ZNF536: variants seen among roughly 807,000 people sequenced by gnomAD.
ZNF536 encodes the protein zinc finger protein 536.
ZNF536 carries 13 observed loss-of-function variants against 84.5 expected under a neutral mutation model. The ratio of observed to expected loss-of-function variants is 0.15; its 90% CI spans 0.10 to 0.24. The LOEUF is 0.24. Ranked by LOEUF, ZNF536 falls within the 10% of genes least tolerant of loss-of-function variation. The pLI, the probability that ZNF536 is intolerant of heterozygous loss-of-function variation, is 1.00. For synonymous variants in ZNF536, 811 were observed against 742.5 expected (o/e 1.09, Z -1.50); for missense variants, 1,536 against 1,747.5 (o/e 0.88, Z 2.16).
chr19:30,483,603 T>C (rs1183280110), intron 2 of ZNF536, among the ~76,000 whole-genome samples: 1 of 151,934 alleles, frequency 6.6e-6, no homozygotes. Context: ...TTTGTCCCCT[T>C]GTCTGTCACA....
chr19:30,522,088 C>G (rs1446465820), intron 2 of ZNF536, among the ~76,000 whole-genome samples: 1 of 151,380 alleles, frequency 6.6e-6, no homozygotes, highest in Non-Finnish European at 1.5e-5. Context: ...TTCTGTTGGT[C>G]TGCAGGTACC....
intron 2 of ZNF536, among the ~76,000 whole-genome samples, chr19:30,491,679 T>G (rs1195566962): frequency 6.6e-6 from 1 of 152,168 alleles, no homozygotes; most frequent in African/African-American, 2.4e-5. Flanking sequence ...CAAAAAATTC[T>G]TTTGAAATAA....
At chr19:30,437,321 T>C (rs535321883) in intron 1 of ZNF536, among the ~76,000 whole-genome samples, 1 of 152,288 alleles carries the variant, frequency 6.6e-6, no homozygotes, top group Admixed American at 6.5e-5. Flanking sequence ...CTTTTGTCAT[T>C]GATATCACAG....
chr19:30,491,829 C>T (rs1432002758), intron 2 of ZNF536, among the ~76,000 whole-genome samples: 1 of 150,118 alleles, frequency 6.7e-6, no homozygotes, highest in East Asian at 2.0e-4. Flanking sequence ...CTTTTCCTTT[C>T]CTTTTCTTTT....
chr19:30,240,215 A>G (rs941024073), intron 1 of ZNF536, among the ~76,000 whole-genome samples: 4 of 151,242 alleles, frequency 2.6e-5, no homozygotes, highest in African/African-American at 9.7e-5. Context: ...CTAAAAATAC[A>G]AAAAAAAATT....
intron 1 of ZNF536, among the ~76,000 whole-genome samples, chr19:30,658,117 G>C (rs2049985266): frequency 6.6e-6 from 1 of 151,324 alleles, no homozygotes; most frequent in South Asian, 2.1e-4. Context: ...CTGCCTCCCA[G>C]GTTCAAGCGA....
intron 2 of ZNF536, among the ~76,000 whole-genome samples, chr19:30,530,677 T>C (rs2044770177): frequency 6.6e-6 from 1 of 152,170 alleles, no homozygotes; most frequent in Admixed American, 6.5e-5. Context: ...GCCTGCTTCC[T>C]GGAGTGGCTA....
At chr19:30,259,735 C>T (rs1331429777) in intron 1 of ZNF536, among the ~76,000 whole-genome samples, 1 of 152,096 alleles carries the variant, frequency 6.6e-6, no homozygotes, top group Non-Finnish European at 1.5e-5. Context: ...TGCGAAAAAA[C>T]AGATAGGTGG....
intron 1 of ZNF536, among the ~76,000 whole-genome samples, chr19:30,578,116 A>G (rs1415783187): frequency 1.3e-5 from 2 of 152,190 alleles, no homozygotes; most frequent in African/African-American, 4.8e-5. Context: ...TATCCTATTT[A>G]CTTGCAAATA....
intron 1 of ZNF536, among the ~76,000 whole-genome samples, chr19:30,388,912 G>A (rs976380107): frequency 6.6e-6 from 1 of 152,204 alleles, no homozygotes; most frequent in African/African-American, 2.4e-5. Context: ...TTTATGTAGG[G>A]TGAGCTGACC....
At chr19:30,700,213 C>CTTCCATCTTTCT (rs1568684616) in intron 1 of ZNF536, among the ~76,000 whole-genome samples, 1 of 102,586 alleles carries the variant, frequency 9.7e-6, no homozygotes, top group Admixed American at 1.0e-4. Context: ...TCTTTCTTTC[C>CTTCCATCTTTCT]TTCTTTCTTT....
intron 1 of ZNF536, among the ~76,000 whole-genome samples, chr19:30,605,166 C>T (rs1313836747): frequency 6.6e-6 from 1 of 152,002 alleles, no homozygotes; most frequent in Admixed American, 6.5e-5. Flanking sequence ...GTGCGAAATG[C>T]TTTTTTTGTT....
intron 2 of ZNF536, among the ~76,000 whole-genome samples, chr19:30,286,397 T>A (rs1305389164): frequency 6.6e-6 from 1 of 152,104 alleles, no homozygotes; most frequent in East Asian, 1.9e-4. Flanking sequence ...GGTTTTGCCC[T>A]TGGTACCATT....
chr19:30,510,944 G>A (rs1288052521), intron 2 of ZNF536, among the ~76,000 whole-genome samples: 3 of 152,200 alleles, frequency 2.0e-5, no homozygotes, highest in Admixed American at 6.5e-5. Flanking sequence ...CGGGTCAGGC[G>A]TAGAGTGGGG....
intron 1 of ZNF536, among the ~76,000 whole-genome samples, chr19:30,596,334 T>G (rs1056606589): frequency 6.6e-6 from 1 of 152,230 alleles, no homozygotes; most frequent in South Asian, 2.1e-4. Context: ...CGTCTCTGGC[T>G]GCTTAAAGTG....
At chr19:30,402,042 G>A (rs546721847) in intron 1 of ZNF536, among the ~76,000 whole-genome samples, 1 of 152,338 alleles carries the variant, frequency 6.6e-6, no homozygotes, top group African/African-American at 2.4e-5. Context: ...AATTCCAATT[G>A]TGAAAAGCAG....
intron 1 of ZNF536, among the ~76,000 whole-genome samples, chr19:30,694,360 C>T (rs2051562290): frequency 6.6e-6 from 1 of 152,230 alleles, no homozygotes; most frequent in Non-Finnish European, 1.5e-5. Flanking sequence ...TACAAGAATG[C>T]AGTTCATCTG....
Position 30,627,468 on chromosome 19 carries a change from C to CAAAAAAAAAAAAAAAAAA in ZNF536, c.169+77972_169+77989dup, listed in dbSNP as rs569312789. On this transcript the variant is annotated intron_variant, in intron 1 of 1. Transcript: ENST00000592773. ...CCTGGGTGACAGACCAAGGCCCTGTCAAAAAAAAAAAAAAAAAAAAAAAAA... is the reference window on the plus strand; with the variant it reads ...CCTGGGTGACAGACCAAGGCCCTGTCAAAAAAAAAAAAAAAAAAAAAAAAAAAAAAAAAAAAAAAAAAA... 2.7e-4 allele frequency among the ~76,000 whole-genome samples: 14 copies of CAAAAAAAAAAAAAAAAAA among 52,050 alleles called. 2 individuals are homozygous for CAAAAAAAAAAAAAAAAAA. Among genetic ancestry groups the CAAAAAAAAAAAAAAAAAA allele is most frequent in the Admixed American group, 2.2e-3 (8 of 3,644 alleles). 34.1% of individuals were successfully genotyped at this position (52,050 alleles called of 152,430 possible).
intron 1 of ZNF536, among the ~76,000 whole-genome samples, chr19:30,245,840 G>T (rs924867337): frequency 6.6e-5 from 10 of 152,250 alleles, no homozygotes; most frequent in Non-Finnish European, 1.0e-4. Context: ...ATACCACTTG[G>T]TCTGAGGTTG....
Sources: gnomAD v4.1 joint callset for allele counts (sites outside exome capture counted in the v4.1 genomes callset) on GRCh38, gnomAD v4.1.1 for gene constraint, MANE v1.5 for transcripts, NCBI Gene and HGNC (gene_info 2026-07-23, HGNC 2026-07-21) for gene names.